CA9: variants seen among roughly 807,000 people sequenced by gnomAD.
CA9 encodes the protein carbonic anhydrase 9.
In CA9, 43 loss-of-function variants were observed where a neutral mutation model predicts 51.8. That is an observed-to-expected ratio of 0.83 (90% CI 0.65 to 1.07). The LOEUF is 1.07. CA9 is among the 50% of genes least tolerant of loss of function. The pLI, the probability that CA9 is intolerant of heterozygous loss-of-function variation, is 0.00. For missense variants in CA9, 574 were observed against 581.4 expected, an observed-to-expected ratio of 0.99 and a Z score of 0.13; for synonymous variants, 253 against 244.2, an observed-to-expected ratio of 1.04 and a Z score of -0.34.
In CA9 at chr9:35,676,125, T is replaced by TCTGCAG. The variant is rs771270556; in HGVS notation, c.672_677dup (p.Gln224_Leu225dup). ...TGGGTCCCGGGCGGGAGTACCGGGCTCTGCAGCTGCATCTGCACTGGGGGG... is the reference window on the plus strand; with the variant it reads ...TGGGTCCCGGGCGGGAGTACCGGGCTCTGCAGCTGCAGCTGCATCTGCACTGGGGGG... On this transcript the variant is annotated inframe_insertion, in exon 4 of 11. Coordinates refer to ENST00000378357, the MANE Select transcript of CA9 (RefSeq NM_001216.3). 14 of 1,613,562 alleles carry TCTGCAG rather than the reference T, an allele frequency of 8.7e-6. No homozygotes were observed. Among genetic ancestry groups the TCTGCAG allele is most frequent in the Non-Finnish European group, 1.1e-5 (13 of 1,179,840 alleles).
intron 1 of CA9, chr9:35,675,229 G>A: frequency 2.4e-6 from 1 of 418,852 alleles, no homozygotes; most frequent in East Asian, 4.8e-5. Context: ...CCTGATCTCA[G>A]GTGATCCAAC....
rs556696534 is a variant in CA9 at position 35,673,958 on chromosome 9, G to T, written c.-2G>T. On this transcript the variant is annotated 5_prime_UTR_variant, in exon 1 of 11. Transcript: ENST00000378357. ...GTGCTGGGACACCCCACAGTCAGCC[G>T]CATGGCTCCCCTGTGCCCCAGCCCC... is the stretch of plus-strand genomic sequence containing the variant. 23 of 1,591,566 alleles carry T rather than the reference G, an allele frequency of 1.4e-5. No homozygotes were observed. The highest frequency in any genetic ancestry group is 1.9e-5 in the Non-Finnish European group (22 of 1,168,398).
At chr9:35,679,123 A>G in intron 6 of CA9, 62 bp from the exon 7 acceptor site, 1 of 1,582,644 alleles carries the variant, frequency 6.3e-7, no homozygotes, top group South Asian at 1.1e-5. Flanking sequence ...CTGTATCCCT[A>G]TACCCTGAAG....
Position 35,674,049 on chromosome 9 carries a change from G to T in CA9, c.90G>T (p.Leu30=), listed in dbSNP as rs757435468. 6.2e-7 allele frequency: 1 copy of T among 1,614,220 alleles called. No homozygotes were observed. Among genetic ancestry groups the T allele is most frequent in the Admixed American group, 1.7e-5 (1 of 60,028 alleles). Residue 30 remains leucine (L), a synonymous_variant, in exon 1 of 11, where the codon CTG becomes CTT. Transcript: ENST00000378357. The part of the protein sequence containing the change: ...GLTVQLLLSL[L]LLVPVHPQRL... ...CTGTGCAACTGCTGCTGTCACTGCT[G>T]CTTCTGGTGCCTGTCCATCCCCAGA...
At chr9:35,680,395 C>A (rs993453478) in intron 9 of CA9, among the ~76,000 whole-genome samples, 1 of 152,082 alleles carries the variant, frequency 6.6e-6, no homozygotes, top group African/African-American at 2.4e-5. Context: ...TAGGGTCTCA[C>A]TCTGTTGCCC....
intron 7 of CA9, 91 bp from the exon 8 acceptor site, chr9:35,679,762 TG>T: frequency 8.1e-7 from 1 of 1,237,080 alleles, no homozygotes; most frequent in Non-Finnish European, 1.1e-6. Flanking sequence ...AGCTGGAGGG[TG>T]GAGCCCTGAG....
intron 5 of CA9, among the ~76,000 whole-genome samples, 174 bp from the exon 6 acceptor site, chr9:35,677,615 TA>T (rs975843030): frequency 2.5e-4 from 36 of 144,788 alleles, no homozygotes; most frequent in South Asian, 2.2e-4. Flanking sequence ...ACACTGTCTC[TA>T]AAAAAAAAAA....
chr9:35,680,597 A>G lies in CA9; in HGVS notation c.1238-156A>G, dbSNP rs559672607. 5.8e-5 allele frequency: 37 copies of G among 639,836 alleles called. 1 individual carries two copies. In the East Asian group the frequency reaches 9.8e-4, roughly 17 times the overall value. The allele number at this position is 639,836 out of a possible 1,614,324, so 39.6% of individuals were successfully genotyped here. A position where few individuals can be genotyped will look rare whatever the true frequency, so the allele number is the denominator to read the frequency against. ...TTATCTTACCCCTTCTCGTGTATCCACCCTCATCCCTTGGCTGGCCTCTTC... is the reference window on the plus strand; with the variant it reads ...TTATCTTACCCCTTCTCGTGTATCCGCCCTCATCCCTTGGCTGGCCTCTTC... On this transcript the variant is annotated intron_variant, in intron 9 of 10. Transcript: ENST00000378357.
At chr9:35,674,638 C>A in intron 1 of CA9, 1 of 339,554 alleles carries the variant, frequency 2.9e-6, no homozygotes, top group Admixed American at 4.4e-5. Flanking sequence ...ATGAGAACTG[C>A]AGATGAGAGA....
At chr9:35,678,434 G>C (rs933838947) in intron 6 of CA9, among the ~76,000 whole-genome samples, 1 of 151,634 alleles carries the variant, frequency 6.6e-6, no homozygotes, top group Non-Finnish European at 1.5e-5. Flanking sequence ...AATTGTCAAG[G>C]TCAAGTCTGG....
At position 35,680,950 on chromosome 9, in the gene CA9, G is replaced by T; in HGVS notation, c.1320-15G>T. 6.2e-7 allele frequency: 1 copy of T among 1,613,930 alleles called. No homozygotes were observed. The highest frequency in any genetic ancestry group is 8.5e-7 in the Non-Finnish European group (1 of 1,179,874). ...GCCAGTTTTCTGATTAGCCTTTCCT[G>T]TTGTGTACACACAGAAGGGGAACCA... is the stretch of plus-strand genomic sequence containing the variant. On this transcript the variant is annotated splice_polypyrimidine_tract_variant and intron_variant, in intron 10 of 10. Transcript: ENST00000378357.
At position 35,680,953 on chromosome 9, in the gene CA9, G is replaced by A. The variant is rs763603120; in HGVS notation, c.1320-12G>A. On this transcript the variant is annotated splice_polypyrimidine_tract_variant and intron_variant, in intron 10 of 10. Coordinates refer to ENST00000378357, the MANE Select transcript of CA9 (RefSeq NM_001216.3). ...AGTTTTCTGATTAGCCTTTCCTGTT[G>A]TGTACACACAGAAGGGGAACCAAAG... The A allele has an allele frequency of 6.2e-6, 10 of 1,613,998 alleles. No homozygotes were observed. Among genetic ancestry groups the A allele is most frequent in the Middle Eastern group, 3.3e-4 (2 of 6,062 alleles).
chr9:35,676,273 C>G, intron 4 of CA9, 24 bp from the exon 5 acceptor site: 1 of 1,613,936 alleles, frequency 6.2e-7, no homozygotes, highest in Non-Finnish European at 8.5e-7. Flanking sequence ...ACGTGGCCCT[C>G]TCCTACCCTC....
rs1156908062 is a variant in CA9 at position 35,674,210 on chromosome 9, C to T, written c.251C>T (p.Pro84Leu). ...EEDPPGEEDL[P>L]GEEDLPGEED... ...GATCCACCCGGAGAGGAGGATCTAC[C>T]TGGAGAGGAGGATCTACCTGGAGAG... The change falls in exon 1 of 11, where the codon CCT (proline) becomes CTT (leucine). Residue 84 changes from proline to leucine, a missense_variant. Transcript: ENST00000378357. The T allele has an allele frequency of 6.6e-7, 1 of 1,513,430 alleles. No individual in the cohort carries two copies. Among genetic ancestry groups the T allele is most frequent in the Non-Finnish European group, 8.9e-7 (1 of 1,124,370 alleles). 93.8% of individuals were successfully genotyped at this position (1,513,430 alleles called of 1,614,324 possible).
rs757322247 is a variant in CA9, at chr9:35,675,859, C to T, written c.532C>T (p.Arg178Cys). Residue 178 changes from arginine (R) to cysteine (C), a missense_variant, in exon 3 of 11, where the codon CGC (arginine) becomes TGC (cysteine). Transcript: ENST00000378357. ...PQLAAFCPAL[R>C]PLELLGFQLP... ...GCTCGCCGCCTTCTGCCCGGCCCTG[C>T]GCCCCCTGGAACTCCTGGGCTTCCA... 2.5e-6 allele frequency: 4 copies of T among 1,605,472 alleles called. No homozygotes were observed. Among genetic ancestry groups the T allele is most frequent in the Admixed American group, 3.3e-5 (2 of 59,872 alleles).
rs773442987 is a variant in CA9 at position 35,677,871 on chromosome 9, C to T, written c.907+15C>T. 6.2e-7 allele frequency: 1 copy of T among 1,611,276 alleles called. No individual in the cohort carries two copies. Among genetic ancestry groups the T allele is most frequent in the African/African-American group, 1.3e-5 (1 of 74,852 alleles). On this transcript the variant is annotated intron_variant, in intron 6 of 10. Coordinates refer to ENST00000378357, the MANE Select transcript of CA9 (RefSeq NM_001216.3). ...CGCTGAGGAAGGTCAGTTTGTTGGT[C>T]TGGCCACTAATCTCTGTGGCCTAGT...
chr9:35,677,629 A>G (rs1313971326), intron 5 of CA9, among the ~76,000 whole-genome samples, 161 bp from the exon 6 acceptor site: 2 of 152,176 alleles, frequency 1.3e-5, no homozygotes, highest in Admixed American at 6.5e-5. Context: ...AAAAAAAACA[A>G]CAGCAACAAC....
intron 5 of CA9, among the ~76,000 whole-genome samples, chr9:35,677,383 G>T (rs944513738): frequency 6.6e-6 from 1 of 152,186 alleles, no homozygotes; most frequent in African/African-American, 2.4e-5. Context: ...CCAACACAAA[G>T]GTGTATATAT....
chr9:35,679,063 G>A (rs1824479531), intron 6 of CA9, 122 bp from the exon 7 acceptor site: 2 of 1,026,168 alleles, frequency 1.9e-6, no homozygotes, highest in East Asian at 2.4e-5. Flanking sequence ...CCTGCACTTA[G>A]CGAAGAAGTG....
Sources: gnomAD v4.1 joint callset for allele counts (sites outside exome capture counted in the v4.1 genomes callset) on GRCh38, gnomAD v4.1.1 for gene constraint, MANE v1.5 for transcripts, NCBI Gene and HGNC (gene_info 2026-07-23, HGNC 2026-07-21) for gene names.